The following WDFY3 variants were observed in gnomAD, a reference collection of about 807,000 sequenced individuals.
The protein encoded by WDFY3 is WD repeat and FYVE domain containing 3, also known as WD repeat and FYVE domain-containing protein 3.
WDFY3 carries 66 observed loss-of-function variants against 409.6 expected under a neutral mutation model. The observed-to-expected ratio is 0.16, with a 90% confidence interval of 0.13 to 0.20. The LOEUF is 0.20. WDFY3 is among the 10% of genes least tolerant of loss of function. The pLI is 1.00. For missense variants in WDFY3, 3,031 were observed against 4,298.1 expected, an observed-to-expected ratio of 0.71 and a Z score of 8.24; for synonymous variants, 1,521 against 1,537.1, an observed-to-expected ratio of 0.99 and a Z score of 0.25.
chr4:84,910,882 G>GT (rs1767677412), intron 2 of WDFY3, among the ~76,000 whole-genome samples: 1 of 146,984 alleles, frequency 6.8e-6, no homozygotes, highest in African/African-American at 2.6e-5. Context: ...ATTTTTTTCT[G>GT]TATTTTTTTT....
intron 1 of WDFY3, among the ~76,000 whole-genome samples, chr4:84,952,767 TAG>T (rs1773773014): frequency 6.6e-6 from 1 of 152,180 alleles, no homozygotes. Flanking sequence ...TTTCTGGATT[TAG>T]CAAATTAAGT....
intron 49 of WDFY3, among the ~76,000 whole-genome samples, chr4:84,715,730 G>A (rs968206580): frequency 6.9e-5 from 10 of 144,710 alleles, no homozygotes; most frequent in African/African-American, 2.3e-4. Flanking sequence ...AGCCAAGATC[G>A]CGCCACTGCA....
chr4:84,744,572 G>A (rs1467092615), intron 36 of WDFY3, among the ~76,000 whole-genome samples: 1 of 152,018 alleles, frequency 6.6e-6, no homozygotes, highest in East Asian at 1.9e-4. Context: ...AGTAAGAAGG[G>A]GCCGGGCGCG....
intron 58 of WDFY3, among the ~76,000 whole-genome samples, chr4:84,694,090 GA>G (rs1729713079): frequency 6.6e-6 from 1 of 151,918 alleles, no homozygotes; most frequent in African/African-American, 2.4e-5. Flanking sequence ...GTTTCCAAGG[GA>G]AAAAAACAGA....
At chr4:84,767,987 G>A (rs1160861737) in intron 30 of WDFY3, among the ~76,000 whole-genome samples, 1 of 152,208 alleles carries the variant, frequency 6.6e-6, no homozygotes, top group African/African-American at 2.4e-5. Flanking sequence ...GAAGGCTGAT[G>A]TATGAGGATC....
At chr4:84,744,964 GGTTTTT>G (rs909658500) in intron 36 of WDFY3, among the ~76,000 whole-genome samples, 1 of 152,034 alleles carries the variant, frequency 6.6e-6, no homozygotes, top group Non-Finnish European at 1.5e-5. Flanking sequence ...GTTCTCTGTG[GGTTTTT>G]GTAAGGAGGA....
intron 36 of WDFY3, among the ~76,000 whole-genome samples, chr4:84,747,772 A>G (rs1484926456): frequency 6.6e-6 from 1 of 152,084 alleles, no homozygotes; most frequent in Non-Finnish European, 1.5e-5. Flanking sequence ...TGCTGCCACC[A>G]TGTGAAGATG....
chr4:84,855,651 T>A lies in WDFY3; in HGVS notation c.180+4761A>T, dbSNP rs542932258. Among the ~76,000 whole-genome samples the A allele has an allele frequency of 2.6e-5, 4 of 152,322 alleles. No homozygotes were observed. The East Asian group carries it at 7.7e-4, about 29-fold the overall frequency. Reference sequence around the variant, plus strand: ...GAGGCTTTTGTTTCCTAAATATGTGTTATATCTAAAATTAAGTCAGACTAT... The same window carrying A: ...GAGGCTTTTGTTTCCTAAATATGTGATATATCTAAAATTAAGTCAGACTAT... On this transcript the variant is annotated intron_variant, in intron 4 of 67. Transcript: ENST00000295888.
rs1373358132 is a variant in WDFY3, at chr4:84,810,231, A to G, written c.2001T>C (p.Cys667=). Reference sequence around the variant, plus strand: ...CTTTCTCCCAGCCATTCTTGGGTGGACAGCTCAAAGATCTTTCCATAGCAA... The same window carrying G: ...CTTTCTCCCAGCCATTCTTGGGTGGGCAGCTCAAAGATCTTTCCATAGCAA... ...LLVAMERSLS[C]PPKNGWEKVN... The change falls in exon 14 of 68, where the codon TGT becomes TGC. Residue 667 remains cysteine (C), a synonymous_variant. Transcript: ENST00000295888. 2.5e-6 allele frequency: 4 copies of G among 1,614,150 alleles called. No individual in the cohort carries two copies. The highest frequency in any genetic ancestry group is 3.4e-6 in the Non-Finnish European group (4 of 1,180,002).
intron 5 of WDFY3, among the ~76,000 whole-genome samples, chr4:84,841,975 G>A (rs1259259000): frequency 1.3e-5 from 2 of 152,148 alleles, no homozygotes; most frequent in East Asian, 3.9e-4. Context: ...GAGTAGCTCA[G>A]AGTAGGAAGA....
intron 17 of WDFY3, among the ~76,000 whole-genome samples, chr4:84,800,952 T>C (rs1229262077): frequency 6.6e-6 from 1 of 152,058 alleles, no homozygotes; most frequent in Non-Finnish European, 1.5e-5. Context: ...CCAGTACTGG[T>C]CCATGGCTCG....
intron 3 of WDFY3, among the ~76,000 whole-genome samples, chr4:84,895,276 T>C (rs1309517103): frequency 1.3e-5 from 2 of 152,084 alleles, no homozygotes; most frequent in Non-Finnish European, 2.9e-5. Flanking sequence ...AAAAACATAA[T>C]AGAAGCAATG....
At chr4:84,841,286 A>G in intron 5 of WDFY3, 23 bp from the exon 6 acceptor site, 1 of 1,596,146 alleles carries the variant, frequency 6.3e-7, no homozygotes, top group Non-Finnish European at 8.5e-7. Context: ...AGGGAAAGCC[A>G]TTAAGTGGGG....
At chr4:84,766,781 G>A (rs948408884) in intron 30 of WDFY3, among the ~76,000 whole-genome samples, 2 of 152,120 alleles carry the variant, frequency 1.3e-5, no homozygotes, top group Admixed American at 6.6e-5. Flanking sequence ...ATTGAAAATA[G>A]GAAGCATAGA....
chr4:84,951,435 T>C (rs1773597239), intron 1 of WDFY3, among the ~76,000 whole-genome samples: 2 of 152,182 alleles, frequency 1.3e-5, no homozygotes, highest in African/African-American at 4.8e-5. Flanking sequence ...TTACCATCTT[T>C]AAAAATTTTA....
rs534436296 is a variant in WDFY3 at position 84,771,679 on chromosome 4, G to A, written c.4849+1156C>T. 2.0e-5 allele frequency among the ~76,000 whole-genome samples: 3 copies of A among 152,246 alleles called. No individual in the cohort carries two copies. The East Asian group carries it at 5.8e-4, about 29-fold the overall frequency. The stretch of plus-strand genomic sequence containing the variant: ...TTTACTTGTATCTTTTTGGGCTGCA[G>A]TTTCCTCCCTTGTATAATTGGAATA... On this transcript the variant is annotated intron_variant, in intron 30 of 67. Coordinates refer to ENST00000295888, the MANE Select transcript of WDFY3 (RefSeq NM_014991.6).
chr4:84,927,328 CACAG>C (rs1770132601), intron 2 of WDFY3, among the ~76,000 whole-genome samples: 1 of 151,996 alleles, frequency 6.6e-6, no homozygotes, highest in Admixed American at 6.6e-5. Context: ...CACACACACA[CACAG>C]ACACACACAC....
At chr4:84,953,613 G>A (rs1397816223) in intron 1 of WDFY3, among the ~76,000 whole-genome samples, 1 of 151,978 alleles carries the variant, frequency 6.6e-6, no homozygotes, top group Non-Finnish European at 1.5e-5. Context: ...CAATTTTTAT[G>A]ATGACCTAGT....
At position 84,835,571 on chromosome 4, in the gene WDFY3, T is replaced by G. The variant is rs1288367556; in HGVS notation, c.576+1358A>C. Among the ~76,000 whole-genome samples, 10 of 152,334 alleles carry G rather than the reference T, an allele frequency of 6.6e-5. No homozygotes were observed. In the East Asian group the frequency reaches 1.2e-3, roughly 18 times the overall value. ...ACAAAAGTGTCTAACAGATCAAGTGTTCAATAAACATACTGATTTAGTATT... is the reference window on the plus strand; with the variant it reads ...ACAAAAGTGTCTAACAGATCAAGTGGTCAATAAACATACTGATTTAGTATT... On this transcript the variant is annotated intron_variant, in intron 7 of 67. Transcript: ENST00000295888.
Sources: gnomAD v4.1 joint callset for allele counts (sites outside exome capture counted in the v4.1 genomes callset) on GRCh38, gnomAD v4.1.1 for gene constraint, MANE v1.5 for transcripts, NCBI Gene and HGNC (gene_info 2026-07-23, HGNC 2026-07-21) for gene names.